PRPF39: variants seen among roughly 807,000 people sequenced by gnomAD.
PRPF39 encodes pre-mRNA processing factor 39, also known as pre-mRNA-processing factor 39.
Under a neutral mutation model 82.1 loss-of-function variants are expected in PRPF39, and 27 were observed. The ratio of observed to expected loss-of-function variants is 0.33; its 90% CI spans 0.24 to 0.45. The LOEUF (loss-of-function observed/expected upper bound fraction) is 0.45. Ranked by LOEUF, PRPF39 falls within the 20% of genes least tolerant of loss-of-function variation. The pLI, the probability that PRPF39 is intolerant of heterozygous loss-of-function variation, is 1.00. For synonymous variants in PRPF39, 261 were observed against 256.4 expected (o/e 1.02, Z -0.17); for missense variants, 581 against 796.9 (o/e 0.73, Z 3.26).
chr14:45,109,481 G>A (rs1594735963), intron 7 of PRPF39, 135 bp from the exon 8 acceptor site: 2 of 735,630 alleles, frequency 2.7e-6, no homozygotes, highest in Non-Finnish European at 1.9e-6. Context: ...AATTTTAAAA[G>A]TTTTTTAAAT....
chr14:45,109,928 C>T (rs1884651399), intron 8 of PRPF39, 148 bp downstream of exon 8: 1 of 1,522,972 alleles, frequency 6.6e-7, no homozygotes, highest in Non-Finnish European at 8.8e-7. Flanking sequence ...TTGACTGCTG[C>T]ATATGCCAAC....
chr14:45,100,450 GAAT>G (rs1450709769), intron 4 of PRPF39, among the ~76,000 whole-genome samples: 1 of 152,172 alleles, frequency 6.6e-6, no homozygotes, highest in Non-Finnish European at 1.5e-5. Flanking sequence ...TTTACTTGGG[GAAT>G]GGACACCTAG....
At chr14:45,107,735 T>C (rs888653451) in intron 6 of PRPF39, 119 bp downstream of exon 6, 83 of 961,620 alleles carry the variant, frequency 8.6e-5, no homozygotes, top group Non-Finnish European at 2.0e-5. Context: ...TTGAGACCCA[T>C]GTAGGCAACA....
chr14:45,108,305 C>T (rs1028223198), intron 6 of PRPF39, 110 bp from the exon 7 acceptor site: 13 of 1,244,666 alleles, frequency 1.0e-5, no homozygotes, highest in Non-Finnish European at 1.4e-5. Flanking sequence ...AAATCTACCA[C>T]TATTCTAAGA....
rs781229622 is a variant in PRPF39 at position 45,107,485 on chromosome 14, G to C, written c.772G>C (p.Asp258His). 1.9e-6 allele frequency: 3 copies of C among 1,562,382 alleles called. No individual in the cohort carries two copies. The highest frequency in any genetic ancestry group is 2.7e-5 in the African/African-American group (2 of 73,814). Residue 258 changes from aspartate (D) to histidine (H), a missense_variant, in exon 6 of 14, where the codon GAT (aspartate) becomes CAT (histidine). Asp to His is a moderately conservative substitution (Grantham distance 81). Coordinates refer to ENST00000355765, the MANE Select transcript of PRPF39 (RefSeq NM_017922.4). ...ACATGTACAGAATAATTTGCCTAGA[G>C]ATCTTTTAACTGGTGAACAGTTTAT... Reference protein sequence around the residue: ...KEHVQNNLPRDLLTGEQFIQL... With the variant: ...KEHVQNNLPRHLLTGEQFIQL...
At chr14:45,105,037 A>C (rs907179872) in intron 5 of PRPF39, among the ~76,000 whole-genome samples, 3 of 152,156 alleles carry the variant, frequency 2.0e-5, no homozygotes, top group African/African-American at 7.2e-5. Context: ...CTTTGAATTT[A>C]TGTCTCTTAT....
At position 45,115,519 on chromosome 14, in the gene PRPF39, T is replaced by A. The variant is rs1884812196; in HGVS notation, c.*606T>A. On this transcript the variant is annotated 3_prime_UTR_variant, in exon 14 of 14. Coordinates refer to ENST00000355765, the MANE Select transcript of PRPF39 (RefSeq NM_017922.4). ...TTCAGGAGACTTTGTATTTAGAATA[T>A]TCATGTAAAACTTGTGAACAAGCTT... 1 of 152,576 alleles carries A rather than the reference T, an allele frequency of 6.6e-6. No homozygotes were observed. The highest frequency in any genetic ancestry group is 1.5e-5 in the Non-Finnish European group (1 of 68,004). 9.5% of individuals were successfully genotyped at this position (152,576 alleles called of 1,614,324 possible).
rs903773569 is a variant in PRPF39 at position 45,115,957 on chromosome 14, A to C, written c.*1044A>C. The C allele has an allele frequency of 2.0e-5, 9 of 441,626 alleles. No homozygotes were observed. The highest frequency in any genetic ancestry group is 1.6e-4 in the African/African-American group (8 of 51,420). The allele number at this position is 441,626 out of a possible 1,614,324, so 27.4% of individuals were successfully genotyped here. On this transcript the variant is annotated 3_prime_UTR_variant, in exon 14 of 14. Transcript: ENST00000355765. ...ACTTAAGTTTACAACATGAGGTAAA[A>C]GGAAAAAGTTCTCCTTGACCAGTAT... is the stretch of plus-strand genomic sequence containing the variant.
At chr14:45,085,511 G>A (rs1467223436) in intron 1 of PRPF39, among the ~76,000 whole-genome samples, 1 of 152,142 alleles carries the variant, frequency 6.6e-6, no homozygotes, top group Admixed American at 6.5e-5. Context: ...TGGAAGATAG[G>A]ACTTCAAAAA....
chr14:45,096,482 CA>C, intron 3 of PRPF39: 1 of 1,458,986 alleles, frequency 6.9e-7, no homozygotes, highest in South Asian at 1.2e-5. Flanking sequence ...TATTACACTG[CA>C]GCTTAACAAG....
intron 13 of PRPF39, 23 bp downstream of exon 13, chr14:45,114,637 C>A: frequency 1.3e-6 from 2 of 1,587,928 alleles, no homozygotes; most frequent in South Asian, 2.3e-5. Context: ...AATTATAATT[C>A]TTTGTTCATA....
At chr14:45,100,578 T>G (rs1884344936) in intron 4 of PRPF39, among the ~76,000 whole-genome samples, 1 of 152,226 alleles carries the variant, frequency 6.6e-6, no homozygotes, top group African/African-American at 2.4e-5. Flanking sequence ...TTCTTCCCCT[T>G]TTCTCCATAC....
intron 3 of PRPF39, chr14:45,096,663 C>T: frequency 6.7e-7 from 1 of 1,503,278 alleles, no homozygotes; most frequent in South Asian, 1.2e-5. Context: ...CCCACACAAC[C>T]CGGTCAGAAT....
intron 6 of PRPF39, 140 bp downstream of exon 6, chr14:45,107,756 C>G (rs1428617887): frequency 1.2e-5 from 9 of 776,602 alleles, no homozygotes; most frequent in Non-Finnish European, 1.8e-5. Flanking sequence ...TGGTGAAACC[C>G]TGTCTATACT....
At position 45,114,528 on chromosome 14, in the gene PRPF39, G is replaced by A. The variant is rs1339997666; in HGVS notation, c.1867G>A (p.Glu623Lys). 6.3e-7 allele frequency: 1 copy of A among 1,590,794 alleles called. No individual in the cohort carries two copies. The highest frequency in any genetic ancestry group is 1.9e-5 in the Admixed American group (1 of 53,020). ...ACCAGAGGAAAAGAAAGCACATACA[G>A]AAGATACAACTTCATCATCTACACA... Reference protein sequence around the residue: ...EEPEEKKAHTEDTTSSSTQMI... With the variant: ...EEPEEKKAHTKDTTSSSTQMI... Residue 623 changes from glutamate to lysine, a missense_variant, in exon 13 of 14, where the codon GAA becomes AAA. Coordinates refer to ENST00000355765, the MANE Select transcript of PRPF39 (RefSeq NM_017922.4).
At chr14:45,085,379 A>G (rs1299130742) in intron 1 of PRPF39, among the ~76,000 whole-genome samples, 2 of 152,198 alleles carry the variant, frequency 1.3e-5, no homozygotes, top group African/African-American at 4.8e-5. Context: ...ATGAGACACT[A>G]TTTGTGTAAA....
At chr14:45,114,280 A>G (rs980466333) in intron 12 of PRPF39, 23 bp downstream of exon 12, 1 of 1,534,122 alleles carries the variant, frequency 6.5e-7, no homozygotes, top group African/African-American at 1.4e-5. Context: ...TTGCTAAGTC[A>G]AGAAGGCGTG....
At position 45,115,891 on chromosome 14, in the gene PRPF39, TCA is replaced by T. The variant is rs549433498; in HGVS notation, c.*981_*982del. The T allele has an allele frequency of 5.7e-4, 152 of 266,948 alleles. 2 individuals are homozygous for T. In the East Asian group the frequency reaches 9.9e-3, roughly 17 times the overall value. The allele number at this position is 266,948 out of a possible 1,614,324, so 16.5% of individuals were successfully genotyped here. ...CAATAATATATTAACACCAAACAAATCACAGTCAGATCAAGACAGTGGATCAA... is the reference window on the plus strand; with the variant it reads ...CAATAATATATTAACACCAAACAAATCAGTCAGATCAAGACAGTGGATCAA... On this transcript the variant is annotated 3_prime_UTR_variant, in exon 14 of 14. Transcript: ENST00000355765.
chr14:45,110,847 C>A lies in PRPF39; in HGVS notation c.1572+30C>A. The A allele has an allele frequency of 6.6e-7, 1 of 1,518,142 alleles. No individual in the cohort carries two copies. The highest frequency in any genetic ancestry group is 1.2e-5 in the South Asian group (1 of 81,006). 94.0% of individuals were successfully genotyped at this position (1,518,142 alleles called of 1,614,324 possible). ...GCATTTGTATTTTTAAGAGTATCTTCTATTAAAAAAACCAGTGGTCAGTGT... is the reference window on the plus strand; with the variant it reads ...GCATTTGTATTTTTAAGAGTATCTTATATTAAAAAAACCAGTGGTCAGTGT... On this transcript the variant is annotated intron_variant, in intron 10 of 13. Coordinates refer to ENST00000355765, the MANE Select transcript of PRPF39 (RefSeq NM_017922.4). The surrounding 1 kb of genome is among the most constrained non-coding windows in gnomAD (Gnocchi z 4.0).
Sources: gnomAD v4.1 joint callset for allele counts (sites outside exome capture counted in the v4.1 genomes callset) on GRCh38, gnomAD v4.1.1 for gene constraint, Gnocchi (gnomAD v3.1) non-coding constraint, MANE v1.5 for transcripts, NCBI Gene and HGNC (gene_info 2026-07-23, HGNC 2026-07-21) for gene names.